The following SLC26A5 variants were observed in gnomAD, a reference collection of about 807,000 sequenced individuals.
SLC26A5 encodes the protein solute carrier family 26 member 5.
SLC26A5 carries 51 observed loss-of-function variants against 81.0 expected under a neutral mutation model. That is an observed-to-expected ratio of 0.63 (90% confidence interval 0.50 to 0.80). SLC26A5 has a LOEUF of 0.80. SLC26A5 is among the 30% of genes least tolerant of loss of function. The pLI, the probability that SLC26A5 is intolerant of heterozygous loss-of-function variation, is 0.00. For missense variants in SLC26A5, 771 were observed against 905.8 expected, an observed-to-expected ratio of 0.85 and a Z score of 1.91; for synonymous variants, 325 against 332.8, an observed-to-expected ratio of 0.98 and a Z score of 0.25.
chr7:103,420,652 T>C (rs978750527), intron 4 of SLC26A5, 86 bp downstream of exon 4: 364 of 1,519,364 alleles, frequency 2.4e-4, no homozygotes, highest in Non-Finnish European at 3.1e-4. Context: ...ATAAAAATTA[T>C]GAATTTGCAA....
At chr7:103,366,462 A>G (rs754356444) in intron 19 of SLC26A5, among the ~76,000 whole-genome samples, 1 of 152,208 alleles carries the variant, frequency 6.6e-6, no homozygotes, top group Non-Finnish European at 1.5e-5. Flanking sequence ...TGGCTTTTGA[A>G]GTACTTGCAT....
At chr7:103,390,865 CTTTTT>C (rs532219107) in intron 11 of SLC26A5, among the ~76,000 whole-genome samples, 1 of 134,622 alleles carries the variant, frequency 7.4e-6, no homozygotes, top group Non-Finnish European at 1.6e-5. Context: ...TGGCCATTTA[CTTTTT>C]TTTTTTTTTT....
intron 19 of SLC26A5, among the ~76,000 whole-genome samples, chr7:103,375,229 C>T (rs545115428): frequency 2.0e-5 from 3 of 151,116 alleles, no homozygotes; most frequent in African/African-American, 2.4e-5. Flanking sequence ...ACCACTACAT[C>T]GTATTCTATT....
intron 2 of SLC26A5, among the ~76,000 whole-genome samples, chr7:103,431,877 T>TA (rs1345605801): frequency 6.8e-6 from 1 of 146,672 alleles, no homozygotes; most frequent in Non-Finnish European, 1.5e-5. Flanking sequence ...TTTTTTTTTT[T>TA]ACTTATCAAG....
At chr7:103,422,373 C>T (rs141201949) in intron 2 of SLC26A5, among the ~76,000 whole-genome samples, 36 of 152,216 alleles carry the variant, frequency 2.4e-4, no homozygotes, top group African/African-American at 8.4e-4. Context: ...AAAAGAAATG[C>T]ACTAAATTTC....
intron 1 of SLC26A5, among the ~76,000 whole-genome samples, chr7:103,444,090 T>C (rs1827089359): frequency 6.6e-6 from 1 of 152,202 alleles, no homozygotes; most frequent in African/African-American, 2.4e-5. Flanking sequence ...AAGTTGGTCC[T>C]GGAACTAGTC....
chr7:103,381,767 A>G (rs1430219250), intron 14 of SLC26A5, among the ~76,000 whole-genome samples: 1 of 151,696 alleles, frequency 6.6e-6, no homozygotes, highest in East Asian at 1.9e-4. Flanking sequence ...CATACCACAC[A>G]CACACACACA....
intron 1 of SLC26A5, among the ~76,000 whole-genome samples, chr7:103,444,683 A>AG (rs1827146281): frequency 6.6e-6 from 1 of 152,378 alleles, no homozygotes; most frequent in Admixed American, 6.5e-5. Context: ...AGTTAAAGAG[A>AG]GAAAAAAAGA....
chr7:103,444,366 G>C (rs1012927779), intron 1 of SLC26A5, among the ~76,000 whole-genome samples: 1 of 152,032 alleles, frequency 6.6e-6, no homozygotes, highest in Non-Finnish European at 1.5e-5. Context: ...GTTTCACTTG[G>C]GTTACTAAAA....
chr7:103,384,380 A>G (rs1822025744), intron 14 of SLC26A5, among the ~76,000 whole-genome samples: 1 of 152,032 alleles, frequency 6.6e-6, no homozygotes, highest in South Asian at 2.1e-4. Flanking sequence ...TGGGAGGCTG[A>G]GGCAGGTGGA....
intron 2 of SLC26A5, among the ~76,000 whole-genome samples, chr7:103,427,441 T>A (rs1187851850): frequency 6.6e-6 from 1 of 151,342 alleles, no homozygotes; most frequent in African/African-American, 2.4e-5. Context: ...AGAAAATGGA[T>A]CCATCTACAC....
intron 9 of SLC26A5, among the ~76,000 whole-genome samples, chr7:103,395,469 AT>A (rs1823014172): frequency 7.0e-6 from 1 of 143,534 alleles, no homozygotes; most frequent in Admixed American, 7.2e-5. Context: ...TTATATATAT[AT>A]ATACATATAT....
chr7:103,398,313 C>G (rs866177851), intron 8 of SLC26A5, among the ~76,000 whole-genome samples: 5 of 152,158 alleles, frequency 3.3e-5, no homozygotes, highest in African/African-American at 1.2e-4. Context: ...GCCTTTCAAA[C>G]GTTGACCTTA....
chr7:103,386,756 GA>G (rs1285815799), intron 14 of SLC26A5, among the ~76,000 whole-genome samples: 3 of 151,938 alleles, frequency 2.0e-5, no homozygotes, highest in Admixed American at 6.6e-5. Context: ...AAAAGTTATA[GA>G]TTTTTTTTTC....
intron 9 of SLC26A5, among the ~76,000 whole-genome samples, chr7:103,397,638 A>G (rs980247239): frequency 6.6e-6 from 1 of 150,680 alleles, no homozygotes; most frequent in Admixed American, 6.6e-5. Flanking sequence ...AATCGCTTCA[A>G]CCTGGGAGAC....
chr7:103,391,591 A>G (rs778198909), intron 11 of SLC26A5, 31 bp downstream of exon 11: 2 of 1,545,432 alleles, frequency 1.3e-6, no homozygotes, highest in Non-Finnish European at 1.8e-6. Flanking sequence ...CACCCATATC[A>G]TCAGGTCTTA....
intron 9 of SLC26A5, among the ~76,000 whole-genome samples, chr7:103,394,967 G>T (rs1822967690): frequency 6.6e-6 from 1 of 152,194 alleles, no homozygotes; most frequent in African/African-American, 2.4e-5. Context: ...TAGAGAAGAT[G>T]CCTGCTAGCC....
intron 19 of SLC26A5, among the ~76,000 whole-genome samples, chr7:103,358,714 C>T (rs139180542): frequency 2.1e-3 from 317 of 151,844 alleles, no homozygotes; most frequent in African/African-American, 7.4e-3. Context: ...GTAATATGTT[C>T]TTATCTCTCT....
At chr7:103,427,302 C>T (rs899693340) in intron 2 of SLC26A5, among the ~76,000 whole-genome samples, 3 of 152,014 alleles carry the variant, frequency 2.0e-5, no homozygotes, top group African/African-American at 7.3e-5. Context: ...TTCTCAAACT[C>T]TTGACCCTCA....
Sources: gnomAD v4.1 joint callset for allele counts (sites outside exome capture counted in the v4.1 genomes callset) on GRCh38, gnomAD v4.1.1 for gene constraint, MANE v1.5 for transcripts, NCBI Gene and HGNC (gene_info 2026-07-23, HGNC 2026-07-21) for gene names.